The following OLFM4 variants were observed in gnomAD, a reference collection of about 807,000 sequenced individuals.
OLFM4 encodes olfactomedin-4.
Under a neutral mutation model 25.5 loss-of-function variants are expected in OLFM4, and 22 were observed. The ratio of observed to expected loss-of-function variants is 0.86; its 90% CI spans 0.62 to 1.23. The LOEUF (loss-of-function observed/expected upper bound fraction) is 1.23, where lower values mean the gene tolerates loss of function less well. OLFM4 is among the 50% of genes most tolerant of loss of function. OLFM4 has a pLI of 0.00. For missense variants in OLFM4, 594 were observed against 619.4 expected (o/e 0.96, Z 0.44); for synonymous variants, 255 against 237.7 (o/e 1.07, Z -0.67).
intron 2 of OLFM4, among the ~76,000 whole-genome samples, chr13:53,041,582 A>C (rs1320577168): frequency 6.6e-6 from 1 of 152,182 alleles, no homozygotes; most frequent in Non-Finnish European, 1.5e-5. Flanking sequence ...ACATGAGTTT[A>C]CCTATATAAC....
intron 2 of OLFM4, 132 bp downstream of exon 2, chr13:53,034,632 ATTTAT>A: frequency 1.3e-6 from 1 of 799,110 alleles, no homozygotes; most frequent in Non-Finnish European, 1.9e-6. Flanking sequence ...TGATTTTAGT[ATTTAT>A]TTTATAGGAC....
intron 4 of OLFM4, among the ~76,000 whole-genome samples, chr13:53,048,711 C>T (rs1476825472): frequency 2.0e-5 from 3 of 152,154 alleles, no homozygotes; most frequent in African/African-American, 7.2e-5. Context: ...TCCTCAATGG[C>T]TCTCTGAGTC....
At chr13:53,041,668 C>T (rs1954687438) in intron 2 of OLFM4, among the ~76,000 whole-genome samples, 1 of 152,140 alleles carries the variant, frequency 6.6e-6, no homozygotes, top group Non-Finnish European at 1.5e-5. Context: ...AATGATGATG[C>T]TGAAGCAAAA....
At chr13:53,031,607 G>C (rs1954629250) in intron 1 of OLFM4, among the ~76,000 whole-genome samples, 1 of 152,204 alleles carries the variant, frequency 6.6e-6, no homozygotes. Context: ...ACTGCAACGA[G>C]TCACGTGTTT....
chr13:53,037,376 A>C (rs779925798), intron 2 of OLFM4, among the ~76,000 whole-genome samples: 2 of 152,236 alleles, frequency 1.3e-5, no homozygotes, highest in Non-Finnish European at 2.9e-5. Flanking sequence ...GTAGATCCTC[A>C]TGCACGGGAA....
chr13:53,049,509 A>G (rs1432830289), intron 4 of OLFM4, among the ~76,000 whole-genome samples: 2 of 152,138 alleles, frequency 1.3e-5, no homozygotes, highest in East Asian at 3.9e-4. Flanking sequence ...TCTGGGATAG[A>G]TTTCTATAAA....
rs977857369 is a variant in OLFM4 at position 53,031,012 on chromosome 13, G to C, written c.204+1972G>C. 2.0e-5 allele frequency among the ~76,000 whole-genome samples: 3 copies of C among 152,054 alleles called. 1 individual carries two copies. The South Asian group carries it at 6.3e-4, about 32-fold the overall frequency. On this transcript the variant is annotated intron_variant, in intron 1 of 4. Transcript: ENST00000219022. Reference sequence around the variant, plus strand: ...ATCACCAGTCAGAAACCAGCATTTGGGTAAGATTATCAACTATAATAATAG... The same window carrying C: ...ATCACCAGTCAGAAACCAGCATTTGCGTAAGATTATCAACTATAATAATAG...
rs572368222 is a variant in OLFM4, at chr13:53,037,767, CAT to C, written c.357+3272_357+3273del. On this transcript the variant is annotated intron_variant, in intron 2 of 4. Transcript: ENST00000219022. ...GAACCCTGTTACGTTTACTTTGAAA[CAT>C]ATATTGAAAATAGTAGTATGTTGCA... 6.6e-5 allele frequency among the ~76,000 whole-genome samples: 10 copies of C among 152,242 alleles called. No individual in the cohort carries two copies. In the East Asian group the frequency reaches 1.9e-3, roughly 29 times the overall value.
intron 1 of OLFM4, among the ~76,000 whole-genome samples, chr13:53,030,929 A>G (rs1954625754): frequency 1.3e-5 from 2 of 152,170 alleles, no homozygotes; most frequent in Non-Finnish European, 2.9e-5. Flanking sequence ...GATGATCAGA[A>G]TTGTCTAGCA....
chr13:53,043,375 T>TG, intron 4 of OLFM4, 111 bp downstream of exon 4: 2 of 861,988 alleles, frequency 2.3e-6, no homozygotes, highest in South Asian at 3.5e-5. Context: ...TGGGTTGTTT[T>TG]TTTTTTTTTT....
chr13:53,051,482 C>T lies in OLFM4; in HGVS notation c.*711C>T, dbSNP rs1028314006. 1.3e-5 allele frequency: 2 copies of T among 152,054 alleles called. No individual in the cohort carries two copies. Among genetic ancestry groups the T allele is most frequent in the Admixed American group, 6.6e-5 (1 of 15,244 alleles). 9.4% of individuals were successfully genotyped at this position (152,054 alleles called of 1,614,324 possible). ...TACTAAAAGTCAGTAGAATCTTCTA[C>T]CTCATAACTTCCTTCCAAAGGCAGC... On this transcript the variant is annotated 3_prime_UTR_variant, in exon 5 of 5. Coordinates refer to ENST00000219022, the MANE Select transcript of OLFM4 (RefSeq NM_006418.5).
intron 1 of OLFM4, among the ~76,000 whole-genome samples, chr13:53,029,966 C>T (rs1192841741): frequency 6.6e-6 from 1 of 152,070 alleles, no homozygotes; most frequent in Non-Finnish European, 1.5e-5. Context: ...CCCCACTCTG[C>T]AAACCTCCTA....
intron 4 of OLFM4, among the ~76,000 whole-genome samples, chr13:53,043,739 T>G (rs189205323): frequency 6.6e-6 from 1 of 152,280 alleles, no homozygotes; most frequent in East Asian, 1.9e-4. Context: ...TTTTTCTTTT[T>G]TCTTCCTATA....
intron 4 of OLFM4, among the ~76,000 whole-genome samples, chr13:53,049,490 A>G (rs368143483): frequency 1.3e-5 from 2 of 152,148 alleles, no homozygotes; most frequent in African/African-American, 4.8e-5. Flanking sequence ...CTCCCTCATC[A>G]CTATTCTTTC....
At position 53,042,014 on chromosome 13, in the gene OLFM4, G is replaced by T; in HGVS notation, c.462G>T (p.Leu154=). The T allele has an allele frequency of 6.2e-7, 1 of 1,613,988 alleles. No individual in the cohort carries two copies. Among genetic ancestry groups the T allele is most frequent in the Non-Finnish European group, 8.5e-7 (1 of 1,179,924 alleles). ...MEKDTISYTE[L]DFELIKVEVK... ...AGGATACCATTTCTTACACTGAACT[G>T]GACTTCGAGCTGATCAAGGTAGAAG... Residue 154 remains leucine, a synonymous_variant, in exon 3 of 5, where the codon CTG becomes CTT. Transcript: ENST00000219022.
chr13:53,035,449 T>C (rs1321691600), intron 2 of OLFM4, among the ~76,000 whole-genome samples: 1 of 152,230 alleles, frequency 6.6e-6, no homozygotes, highest in Non-Finnish European at 1.5e-5. Flanking sequence ...TTATCTTTTG[T>C]GTTACAAACC....
intron 3 of OLFM4, among the ~76,000 whole-genome samples, chr13:53,042,519 G>A (rs370036259): frequency 1.3e-5 from 2 of 152,116 alleles, no homozygotes; most frequent in African/African-American, 4.8e-5. Context: ...AAAATTGCTA[G>A]GTTTGTTTCT....
At chr13:53,031,337 T>C (rs554553873) in intron 1 of OLFM4, among the ~76,000 whole-genome samples, 120 of 152,292 alleles carry the variant, frequency 7.9e-4, no homozygotes, top group African/African-American at 2.8e-3. Context: ...TCCAAACATA[T>C]CATTTTCTGT....
At chr13:53,042,923 G>T (rs970686914) in intron 3 of OLFM4, among the ~76,000 whole-genome samples, 182 bp from the exon 4 acceptor site, 1 of 152,116 alleles carries the variant, frequency 6.6e-6, no homozygotes, top group Non-Finnish European at 1.5e-5. Context: ...ACACACATCT[G>T]CCTGAGATCT....
Sources: allele counts gnomAD v4.1 joint callset (sites outside exome capture counted in the v4.1 genomes callset), GRCh38; gene constraint gnomAD v4.1.1; transcripts MANE v1.5; gene names NCBI Gene and HGNC (gene_info 2026-07-23, HGNC 2026-07-21).